The following PTK2B variants were observed in gnomAD, a reference collection of about 807,000 sequenced individuals.
The protein encoded by PTK2B is protein tyrosine kinase 2 beta.
A neutral mutation model predicts 142.9 loss-of-function variants in PTK2B; 71 were observed. The observed-to-expected ratio is 0.50, with a 90% CI of 0.41 to 0.61. PTK2B has a LOEUF of 0.61. Ranked by LOEUF, PTK2B falls within the 20% of genes least tolerant of loss-of-function variation. The pLI, the probability that PTK2B is intolerant of heterozygous loss-of-function variation, is 0.00. For synonymous variants in PTK2B, 519 were observed against 503.4 expected, an observed-to-expected ratio of 1.03 and a Z score of -0.42; for missense variants, 1,105 against 1,320.4, an observed-to-expected ratio of 0.84 and a Z score of 2.53.
chr8:27,330,003 G>A (rs35575787), intron 1 of PTK2B, among the ~76,000 whole-genome samples: 32 of 152,078 alleles, frequency 2.1e-4, no homozygotes, highest in African/African-American at 6.3e-4. Context: ...TCTGAGCAGC[G>A]TCAGAGAGGC....
intron 1 of PTK2B, among the ~76,000 whole-genome samples, chr8:27,395,897 A>G (rs1490451664): frequency 6.6e-6 from 1 of 152,178 alleles, no homozygotes; most frequent in African/African-American, 2.4e-5. Context: ...CATCTTCACT[A>G]CATAGCAGAG....
At chr8:27,443,548 A>C (rs929243833) in intron 22 of PTK2B, among the ~76,000 whole-genome samples, 6 of 152,336 alleles carry the variant, frequency 3.9e-5, no homozygotes, top group Non-Finnish European at 5.9e-5. Flanking sequence ...TGCCTGGCTT[A>C]CAGACAACCA....
chr8:27,444,805 C>T (rs1811361707), intron 23 of PTK2B, among the ~76,000 whole-genome samples: 1 of 152,170 alleles, frequency 6.6e-6, no homozygotes, highest in African/African-American at 2.4e-5. Flanking sequence ...GGAGTCCAGT[C>T]TCCTCTTATT....
At chr8:27,397,490 T>C in intron 1 of PTK2B, 58 bp from the exon 2 acceptor site, 2 of 1,318,238 alleles carry the variant, frequency 1.5e-6, no homozygotes, top group Non-Finnish European at 1.1e-6. Context: ...CCTGGGGCCA[T>C]GAGGTATGTG....
At chr8:27,453,926 G>A (rs964641295) in intron 28 of PTK2B, 2 of 542,150 alleles carry the variant, frequency 3.7e-6, no homozygotes, top group African/African-American at 3.8e-5. Flanking sequence ...GGTTCTAATA[G>A]TCTGTTGTGA....
chr8:27,395,031 C>T (rs28612364), intron 1 of PTK2B, among the ~76,000 whole-genome samples: 58,535 of 151,916 alleles, frequency 0.39, 11,776 homozygotes, highest in Middle Eastern at 0.5. Flanking sequence ...TCTGGATACC[C>T]CCTGAAGGAC....
rs376060662 is a variant in PTK2B at position 27,399,451 on chromosome 8, A to G, written c.204+1663A>G. 4.6e-5 allele frequency among the ~76,000 whole-genome samples: 7 copies of G among 152,344 alleles called. 1 individual carries two copies. The highest frequency in any genetic ancestry group is 1.7e-4 in the African/African-American group (7 of 41,582). Reference sequence around the variant, plus strand: ...TATCTAAAATCAAGATCAAAAAGGAAAGTTGACAGCAGAGAATGAAGGGCC... The same window carrying G: ...TATCTAAAATCAAGATCAAAAAGGAGAGTTGACAGCAGAGAATGAAGGGCC... On this transcript the variant is annotated intron_variant, in intron 2 of 30. Coordinates refer to ENST00000346049, the MANE Select transcript of PTK2B (RefSeq NM_173176.3).
chr8:27,310,909 G>A, upstream of PTK2B: 1 of 1,612,844 alleles, frequency 6.2e-7, no homozygotes, highest in East Asian at 2.2e-5. Context: ...GGCAGAAGAG[G>A]CTGAGCTGTC....
At position 27,409,761 on chromosome 8, in the gene PTK2B, G is replaced by A. The variant is rs1261156809; in HGVS notation, c.205-10134G>A. Among the ~76,000 whole-genome samples the A allele has an allele frequency of 2.6e-5, 4 of 152,108 alleles. No homozygotes were observed. In the East Asian group the frequency reaches 7.7e-4, roughly 29 times the overall value. ...TTTTTGAGACAGTTTTACTCTTGTG[G>A]CCCAGGCTGAAGTGCAATGGTGCGA... is the stretch of plus-strand genomic sequence containing the variant. On this transcript the variant is annotated intron_variant, in intron 2 of 30. Transcript: ENST00000346049.
chr8:27,352,730 C>T (rs185728113), intron 1 of PTK2B, among the ~76,000 whole-genome samples: 12 of 152,286 alleles, frequency 7.9e-5, no homozygotes, highest in Non-Finnish European at 1.8e-4. Context: ...TTTTGAAAAA[C>T]GGAAGTCTCC....
chr8:27,412,002 A>T (rs1809094381), intron 2 of PTK2B, among the ~76,000 whole-genome samples: 1 of 152,238 alleles, frequency 6.6e-6, no homozygotes, highest in African/African-American at 2.4e-5. Context: ...CCAAATGAAG[A>T]AACATAGAGG....
chr8:27,361,290 CT>C (rs1805687458), intron 1 of PTK2B, among the ~76,000 whole-genome samples: 1 of 152,182 alleles, frequency 6.6e-6, no homozygotes, highest in Admixed American at 6.5e-5. Context: ...GCAATCATAG[CT>C]CACTACAGCC....
At chr8:27,342,562 G>A (rs76082706) in intron 1 of PTK2B, among the ~76,000 whole-genome samples, 2,029 of 152,106 alleles carry the variant, frequency 0.013, 99 homozygotes, top group Admixed American at 0.087. Context: ...CTTCGTTCCC[G>A]GTGTTCTCGA....
At chr8:27,436,105 C>T in intron 14 of PTK2B, 146 bp from the exon 15 acceptor site, 1 of 788,602 alleles carries the variant, frequency 1.3e-6, no homozygotes, top group South Asian at 1.7e-5. Flanking sequence ...ACATTCTAGA[C>T]CCCCATTTCC....
Position 27,437,451 on chromosome 8 carries a change from AGAG to A in PTK2B, c.1486_1488del (p.Glu496del). On this transcript the variant is annotated inframe_deletion, in exon 17 of 31. Coordinates refer to ENST00000346049, the MANE Select transcript of PTK2B (RefSeq NM_173176.3). Reference sequence around the variant, plus strand: ...TCGTGAAGCTGATCGGCATCATTGAAGAGGAGCCCACCTGGATCATCATGGAAT... The same window carrying A: ...TCGTGAAGCTGATCGGCATCATTGAAGAGCCCACCTGGATCATCATGGAAT... 6.2e-7 allele frequency: 1 copy of A among 1,613,380 alleles called. No individual in the cohort carries two copies. The highest frequency in any genetic ancestry group is 1.3e-5 in the African/African-American group (1 of 74,986).
intron 1 of PTK2B, among the ~76,000 whole-genome samples, chr8:27,396,788 A>G (rs1245107995): frequency 2.0e-5 from 3 of 152,144 alleles, no homozygotes; most frequent in Non-Finnish European, 4.4e-5. Flanking sequence ...TATCATCTAC[A>G]TCTGTGTCAA....
At chr8:27,388,630 C>A (rs1306737822) in intron 1 of PTK2B, among the ~76,000 whole-genome samples, 2 of 152,234 alleles carry the variant, frequency 1.3e-5, no homozygotes, top group Non-Finnish European at 2.9e-5. Context: ...AACCAACTCT[C>A]ACAAGCCAAT....
At chr8:27,378,473 T>C (rs1002469082) in intron 1 of PTK2B, among the ~76,000 whole-genome samples, 1 of 152,248 alleles carries the variant, frequency 6.6e-6, no homozygotes, top group African/African-American at 2.4e-5. Flanking sequence ...TCCCCTCACC[T>C]AATCCCCTCA....
chr8:27,339,790 C>G (rs563845045), intron 1 of PTK2B, among the ~76,000 whole-genome samples: 3 of 152,172 alleles, frequency 2.0e-5, no homozygotes, highest in Non-Finnish European at 2.9e-5. Flanking sequence ...CTTTCCTTTA[C>G]TGATGGTGGT....
Sources: allele counts gnomAD v4.1 joint callset (sites outside exome capture counted in the v4.1 genomes callset), GRCh38; gene constraint gnomAD v4.1.1; transcripts MANE v1.5; gene names NCBI Gene and HGNC (gene_info 2026-07-23, HGNC 2026-07-21).